ME1: variants seen among roughly 807,000 people sequenced by gnomAD.
ME1 encodes malic enzyme 1, also known as NADP-dependent malic enzyme.
ME1 carries 74 observed loss-of-function variants against 66.4 expected under a neutral mutation model. The ratio of observed to expected loss-of-function variants is 1.11; its 90% CI spans 0.92 to 1.35. ME1 has a LOEUF of 1.35. Ranked by LOEUF, ME1 falls within the 40% of genes most tolerant of loss-of-function variation. ME1 has a pLI of 0.00. For missense variants in ME1, 750 were observed against 694.1 expected, an observed-to-expected ratio of 1.08 and a Z score of -0.90; for synonymous variants, 251 against 235.6, an observed-to-expected ratio of 1.07 and a Z score of -0.60.
rs558402461 is a variant in ME1, at chr6:83,323,666, G to A, written c.601-8253C>T. On this transcript the variant is annotated intron_variant, in intron 5 of 13. Transcript: ENST00000369705. The stretch of plus-strand genomic sequence containing the variant: ...TCCTAAATACATATGCACCAATACA[G>A]GAGCACCCAGGTTCATAAAGCAAGT... Among the ~76,000 whole-genome samples the A allele has an allele frequency of 4.2e-3, 643 of 152,192 alleles. 1 individual carries two copies. Among genetic ancestry groups the A allele is most frequent in the Middle Eastern group, 0.027 (8 of 294 alleles).
intron 12 of ME1, among the ~76,000 whole-genome samples, 166 bp downstream of exon 12, chr6:83,223,594 C>T (rs1029044588): frequency 1.3e-5 from 2 of 152,196 alleles, no homozygotes; most frequent in Non-Finnish European, 2.9e-5. Flanking sequence ...GTTTGTGAGT[C>T]AGTATGAACA....
At chr6:83,264,484 G>C (rs1203881409) in intron 6 of ME1, among the ~76,000 whole-genome samples, 5 of 152,132 alleles carry the variant, frequency 3.3e-5, no homozygotes, top group African/African-American at 1.2e-4. Context: ...TTCCTCTTAT[G>C]AATTTGGGCA....
intron 3 of ME1, among the ~76,000 whole-genome samples, chr6:83,359,911 C>T (rs1768976011): frequency 6.6e-6 from 1 of 152,168 alleles, no homozygotes; most frequent in South Asian, 2.1e-4. Flanking sequence ...GGCCAAGTGG[C>T]CACACTCAAC....
intron 6 of ME1, among the ~76,000 whole-genome samples, chr6:83,282,562 A>G (rs1055727202): frequency 8.5e-5 from 13 of 152,252 alleles, no homozygotes; most frequent in African/African-American, 2.2e-4. Context: ...ACAATGAGAT[A>G]TCATCTCACT....
Position 83,276,771 on chromosome 6 carries a change from C to CA in ME1, c.705-23034dup, listed in dbSNP as rs932700008. On this transcript the variant is annotated intron_variant, in intron 6 of 13. Coordinates refer to ENST00000369705, the MANE Select transcript of ME1 (RefSeq NM_002395.6). The stretch of plus-strand genomic sequence containing the variant: ...CATTAAGAAGTTTTTAATGTCTTGA[C>CA]AAAAAAAATTTTAAAGGTCATAGAA... 5.1e-4 allele frequency among the ~76,000 whole-genome samples: 77 copies of CA among 151,822 alleles called. 2 individuals carry two copies. Among genetic ancestry groups the CA allele is most frequent in the Admixed American group, 3.5e-3 (53 of 15,246 alleles).
chr6:83,357,931 C>CTATATATA (rs1562489403), intron 3 of ME1, among the ~76,000 whole-genome samples: 1 of 51,752 alleles, frequency 1.9e-5, no homozygotes, highest in African/African-American at 6.5e-5. Flanking sequence ...CTCTCTCTCT[C>CTATATATA]TCTCTATATA....
At chr6:83,228,787 A>G in intron 10 of ME1, 39 bp downstream of exon 10, 1 of 1,353,332 alleles carries the variant, frequency 7.4e-7, no homozygotes, top group Non-Finnish European at 1.0e-6. Flanking sequence ...TCAGGTCAAA[A>G]TAAGGGGTAG....
intron 6 of ME1, among the ~76,000 whole-genome samples, chr6:83,270,356 C>T (rs988257570): frequency 5.3e-5 from 8 of 151,950 alleles, no homozygotes; most frequent in Admixed American, 2.0e-4. Flanking sequence ...TCTTGTTAAA[C>T]GATCTACTCC....
intron 1 of ME1, among the ~76,000 whole-genome samples, chr6:83,409,426 G>C (rs1051463506): frequency 1.3e-5 from 2 of 152,168 alleles, no homozygotes; most frequent in Non-Finnish European, 2.9e-5. Flanking sequence ...ATTACTAGAG[G>C]GAAAGGAGAG....
In ME1 at chr6:83,390,669, A is replaced by T. The variant is rs560759126; in HGVS notation, c.362+7698T>A. ...AACTGTCATGAAGAGATCATACAGA[A>T]ATGGATTTAGAAACTTTGCTTTCTC... On this transcript the variant is annotated intron_variant, in intron 3 of 13. Coordinates refer to ENST00000369705, the MANE Select transcript of ME1 (RefSeq NM_002395.6). Among the ~76,000 whole-genome samples the T allele has an allele frequency of 3.9e-5, 6 of 152,276 alleles. No individual in the cohort carries two copies. In the East Asian group the frequency reaches 9.6e-4, roughly 24 times the overall value.
intron 5 of ME1, among the ~76,000 whole-genome samples, chr6:83,317,411 A>G (rs892804962): frequency 6.6e-6 from 1 of 151,440 alleles, no homozygotes; most frequent in African/African-American, 2.4e-5. Context: ...TAGGTATTTT[A>G]TTCTCTTTGA....
chr6:83,314,629 A>T (rs1318624776), intron 6 of ME1, among the ~76,000 whole-genome samples: 2 of 152,218 alleles, frequency 1.3e-5, no homozygotes, highest in Non-Finnish European at 2.9e-5. Flanking sequence ...TATATGAAAC[A>T]TAAATAAATT....
At chr6:83,288,068 A>C (rs1253884299) in intron 6 of ME1, among the ~76,000 whole-genome samples, 1 of 151,988 alleles carries the variant, frequency 6.6e-6, no homozygotes, top group Non-Finnish European at 1.5e-5. Context: ...TTTGTCAGAT[A>C]GACATATTGC....
intron 6 of ME1, among the ~76,000 whole-genome samples, chr6:83,260,574 T>C (rs1240092524): frequency 6.6e-6 from 1 of 152,130 alleles, no homozygotes; most frequent in African/African-American, 2.4e-5. Context: ...CCTCTTCTGA[T>C]CCTCCACCCT....
chr6:83,380,227 G>C (rs886579986), intron 3 of ME1, among the ~76,000 whole-genome samples: 4 of 152,024 alleles, frequency 2.6e-5, no homozygotes, highest in Non-Finnish European at 5.9e-5. Context: ...AGGGGATTTC[G>C]AGGGCATTCA....
chr6:83,319,563 C>T (rs1768113982), intron 5 of ME1, among the ~76,000 whole-genome samples: 1 of 152,044 alleles, frequency 6.6e-6, no homozygotes. Flanking sequence ...TTCTCTGGGT[C>T]CCCAATTTTC....
At chr6:83,346,732 G>A (rs1280596336) in intron 4 of ME1, among the ~76,000 whole-genome samples, 3 of 152,106 alleles carry the variant, frequency 2.0e-5, no homozygotes, top group Non-Finnish European at 2.9e-5. Context: ...GATTGAGGAG[G>A]TTATATCTCT....
chr6:83,317,584 T>C (rs2128539668), intron 5 of ME1, among the ~76,000 whole-genome samples: 1 of 151,962 alleles, frequency 6.6e-6, no homozygotes. Context: ...TGGGGTTTTC[T>C]AGATACACAA....
intron 1 of ME1, among the ~76,000 whole-genome samples, chr6:83,428,327 T>C (rs893554906): frequency 6.6e-6 from 1 of 152,176 alleles, no homozygotes; most frequent in African/African-American, 2.4e-5. Context: ...AATAATAACA[T>C]ACTATAAATG....
Sources: allele counts gnomAD v4.1 joint callset (sites outside exome capture counted in the v4.1 genomes callset), GRCh38; gene constraint gnomAD v4.1.1; transcripts MANE v1.5; gene names NCBI Gene and HGNC (gene_info 2026-07-23, HGNC 2026-07-21).